Variants in TTLL11 observed in about 807,000 individuals in gnomAD.
TTLL11 encodes the protein tubulin polyglutamylase TTLL11.
Under a neutral mutation model 51.7 loss-of-function variants are expected in TTLL11, and 42 were observed. That is an observed-to-expected ratio of 0.81 (90% CI 0.64 to 1.05). TTLL11 has a LOEUF of 1.05. TTLL11 is among the 50% of genes least tolerant of loss of function. TTLL11 has a pLI of 0.00. For synonymous variants in TTLL11, 381 were observed against 383.5 expected, an observed-to-expected ratio of 0.99 and a Z score of 0.08; for missense variants, 799 against 940.4, an observed-to-expected ratio of 0.85 and a Z score of 1.97.
intron 1 of TTLL11, among the ~76,000 whole-genome samples, chr9:122,042,808 T>C (rs1844882414): frequency 6.6e-6 from 1 of 152,206 alleles, no homozygotes; most frequent in African/African-American, 2.4e-5. Context: ...GAATCTTAAA[T>C]GCATATTACT....
rs1385087890 is a variant in TTLL11 at position 121,826,553 on chromosome 9, G to GTA, written c.1841-3675_1841-3674insTA. Among the ~76,000 whole-genome samples, 90 of 45,188 alleles carry GTA rather than the reference G, an allele frequency of 2.0e-3. 3 individuals are homozygous for GTA. Among genetic ancestry groups the GTA allele is most frequent in the African/African-American group, 0.015 (83 of 5,528 alleles). 29.6% of individuals were successfully genotyped at this position (45,188 alleles called of 152,430 possible). A position where few individuals can be genotyped will look rare whatever the true frequency, so the allele number is the denominator to read the frequency against. ...TGTGTGTGTGTATATATATATATGT[G>GTA]TGTGTATATATATATATATATATAT... On this transcript the variant is annotated intron_variant, in intron 8 of 8. Coordinates refer to ENST00000321582, the MANE Select transcript of TTLL11 (RefSeq NM_001139442.2).
At chr9:121,934,182 G>A (rs1164840924) in intron 6 of TTLL11, among the ~76,000 whole-genome samples, 2 of 151,934 alleles carry the variant, frequency 1.3e-5, no homozygotes, top group Admixed American at 6.6e-5. Flanking sequence ...ATGGTGAGCC[G>A]AGATTGCACC....
intron 8 of TTLL11, among the ~76,000 whole-genome samples, chr9:121,851,310 A>C (rs771014053): frequency 1.3e-5 from 2 of 152,196 alleles, no homozygotes; most frequent in Non-Finnish European, 2.9e-5. Context: ...GTGAACCTTA[A>C]TGCAAACTAC....
At chr9:122,088,727 C>T (rs182788246) in intron 1 of TTLL11, among the ~76,000 whole-genome samples, 202 of 152,120 alleles carry the variant, frequency 1.3e-3, no homozygotes, top group Admixed American at 5.0e-3. Context: ...AAAAAGGAGC[C>T]AGGGGTGGTG....
intron 8 of TTLL11, among the ~76,000 whole-genome samples, chr9:121,844,030 C>G (rs1837439302): frequency 6.6e-6 from 1 of 152,086 alleles, no homozygotes; most frequent in African/African-American, 2.4e-5. Context: ...TTAGGTAACT[C>G]TAGCTTTTCT....
chr9:121,954,861 C>G (rs1254314789), intron 6 of TTLL11, among the ~76,000 whole-genome samples: 1 of 152,146 alleles, frequency 6.6e-6, no homozygotes, highest in Non-Finnish European at 1.5e-5. Flanking sequence ...TTTTGTATCT[C>G]TCTTTTTAAA....
chr9:121,935,525 G>A (rs1263323336), intron 6 of TTLL11, among the ~76,000 whole-genome samples: 1 of 152,136 alleles, frequency 6.6e-6, no homozygotes, highest in Non-Finnish European at 1.5e-5. Flanking sequence ...TCTCCTGTGG[G>A]GAAATGAAAA....
intron 3 of TTLL11, among the ~76,000 whole-genome samples, chr9:122,028,703 C>G (rs1844427763): frequency 6.6e-6 from 1 of 152,174 alleles, no homozygotes; most frequent in African/African-American, 2.4e-5. Flanking sequence ...GATGCTACAT[C>G]AACAACTCCA....
At chr9:121,932,118 AT>A (rs1320927730) in intron 6 of TTLL11, among the ~76,000 whole-genome samples, 8 of 152,102 alleles carry the variant, frequency 5.3e-5, no homozygotes, top group African/African-American at 1.4e-4. Context: ...TGGGCTGCAT[AT>A]TCTATTTATC....
In TTLL11 at chr9:121,819,615, C is replaced by T. The variant is rs1011617869; in HGVS notation, c.*2972G>A. 6.6e-6 allele frequency among the ~76,000 whole-genome samples: 1 copy of T among 152,104 alleles called. No individual in the cohort carries two copies. Among genetic ancestry groups the T allele is most frequent in the Non-Finnish European group, 1.5e-5 (1 of 68,000 alleles). On this transcript the variant is annotated 3_prime_UTR_variant, in exon 9 of 9. Coordinates refer to ENST00000321582, the MANE Select transcript of TTLL11 (RefSeq NM_001139442.2). Reference sequence around the variant, plus strand: ...AGGCGTCAGGAGGAGCGGGAAGGGGCAAGAGAGCGGGAGGGAGAAGACGCT... The same window carrying T: ...AGGCGTCAGGAGGAGCGGGAAGGGGTAAGAGAGCGGGAGGGAGAAGACGCT...
chr9:121,836,691 C>T (rs984806977), intron 8 of TTLL11, among the ~76,000 whole-genome samples: 2 of 152,140 alleles, frequency 1.3e-5, no homozygotes, highest in African/African-American at 4.8e-5. Flanking sequence ...TCCTCTGATG[C>T]AGGGCAGGGA....
At position 122,093,012 on chromosome 9, in the gene TTLL11, C is replaced by G. The variant is rs542335539; in HGVS notation, c.137G>C (p.Gly46Ala). The change falls in exon 1 of 9, where the codon GGC (glycine) becomes GCC (alanine). Residue 46 changes from glycine (G) to alanine (A), a missense_variant. Physicochemically the swap from Gly to Ala is moderately conservative, Grantham distance 60. Around this residue, in one of 3 missense-constraint regions of TTLL11, gnomAD observed 166 missense variants for 161.6 expected, o/e 1.03. Transcript: ENST00000321582. ...TVAEQVRVDAGAAGEPECKAG... is the reference protein window; with the variant it reads ...TVAEQVRVDAAAAGEPECKAG... ...CTTGCACTCCGGTTCCCCGGCCGCG[C>G]CCGCGTCCACGCGGACCTGTTCCGC... is the stretch of plus-strand genomic sequence containing the variant. 1 of 1,536,096 alleles carries G rather than the reference C, an allele frequency of 6.5e-7. No homozygotes were observed. The highest frequency in any genetic ancestry group is 2.5e-5 in the East Asian group (1 of 39,636).
intron 8 of TTLL11, among the ~76,000 whole-genome samples, chr9:121,833,908 C>A (rs1044674769): frequency 3.3e-5 from 5 of 152,148 alleles, no homozygotes; most frequent in Admixed American, 3.3e-4. Context: ...GATTGGGGTG[C>A]TTAAACAGAA....
At chr9:121,915,814 G>T (rs934950937) in intron 6 of TTLL11, among the ~76,000 whole-genome samples, 4 of 152,094 alleles carry the variant, frequency 2.6e-5, no homozygotes, top group African/African-American at 9.6e-5. Context: ...GGCTTATAAA[G>T]TCTGGACATC....
At chr9:121,927,474 C>T (rs1402257357) in intron 6 of TTLL11, among the ~76,000 whole-genome samples, 1 of 152,226 alleles carries the variant, frequency 6.6e-6, no homozygotes, top group Admixed American at 6.5e-5. Flanking sequence ...CTTTTTGGAT[C>T]AGTCAATCCT....
At position 121,870,666 on chromosome 9, in the gene TTLL11, T is replaced by A. The variant is rs1369824040; in HGVS notation, c.1564A>T (p.Asn522Tyr). The A allele has an allele frequency of 6.4e-7, 1 of 1,551,638 alleles. No homozygotes were observed. Among genetic ancestry groups the A allele is most frequent in the Non-Finnish European group, 8.7e-7 (1 of 1,147,026 alleles). ...ELTSAPDCNA[N>Y]PEAHLPSICL... ...ATGGAAGGCAGGTGGGCTTCGGGGT[T>A]GGCGTTGCAGTCTGGAGCACTGGTC... The change falls in exon 7 of 9, where the codon AAC becomes TAC. Residue 522 changes from asparagine (N) to tyrosine (Y), a missense_variant. This residue lies in a region of TTLL11 where 468 missense variants were observed against 612.8 expected (regional missense o/e 0.76). Coordinates refer to ENST00000321582, the MANE Select transcript of TTLL11 (RefSeq NM_001139442.2).
intron 3 of TTLL11, among the ~76,000 whole-genome samples, chr9:122,021,082 T>A (rs1252286773): frequency 6.7e-6 from 1 of 149,176 alleles, no homozygotes; most frequent in East Asian, 1.9e-4. Context: ...TTGCCCCGCA[T>A]CGCTCGAGCA....
intron 6 of TTLL11, among the ~76,000 whole-genome samples, chr9:121,876,942 G>A (rs865877003): frequency 1.3e-5 from 2 of 152,328 alleles, no homozygotes; most frequent in South Asian, 4.1e-4. Flanking sequence ...AAGAAAGTGA[G>A]ACCTAAACTA....
In TTLL11 at chr9:121,995,578, G is replaced by C. The variant is rs1391015859; in HGVS notation, c.694-5808C>G. ...GGGAGGGGTGATGTTACCATTAACA[G>C]ATTTAGGGACTACAGGGAGAGGAGC... On this transcript the variant is annotated intron_variant, in intron 3 of 8. Transcript: ENST00000321582. The surrounding 1 kb of genome is among the most constrained non-coding windows in gnomAD (Gnocchi z 4.4). Among the ~76,000 whole-genome samples the C allele has an allele frequency of 6.6e-6, 1 of 152,170 alleles. No individual in the cohort carries two copies. Among genetic ancestry groups the C allele is most frequent in the African/African-American group, 2.4e-5 (1 of 41,426 alleles).
Sources: gnomAD v4.1 joint callset for allele counts (sites outside exome capture counted in the v4.1 genomes callset) on GRCh38, gnomAD v4.1.1 for gene constraint, gnomAD v4.1.1 regional missense constraint, Gnocchi (gnomAD v3.1) non-coding constraint, MANE v1.5 for transcripts, NCBI Gene and HGNC (gene_info 2026-07-23, HGNC 2026-07-21) for gene names.